The following MGME1 variants were observed in gnomAD, a reference collection of about 807,000 sequenced individuals.
The protein encoded by MGME1 is chromosome 20 open reading frame 72.
Under a neutral mutation model 33.0 loss-of-function variants are expected in MGME1, and 22 were observed. That is an observed-to-expected ratio of 0.67 (90% CI 0.48 to 0.95). MGME1 has a LOEUF of 0.95. Ranked by LOEUF, MGME1 falls within the 40% of genes least tolerant of loss-of-function variation. The probability of loss-of-function intolerance (pLI) is 0.00; values close to 1 mark genes in which losing one functional copy is unlikely to be tolerated. For missense variants in MGME1, 383 were observed against 397.8 expected, an observed-to-expected ratio of 0.96 and a Z score of 0.32; for synonymous variants, 133 against 144.0, an observed-to-expected ratio of 0.92 and a Z score of 0.55.
intron 3 of MGME1, among the ~76,000 whole-genome samples, 168 bp downstream of exon 3, chr20:17,976,071 G>A (rs185754011): frequency 1.3e-5 from 2 of 152,306 alleles, no homozygotes; most frequent in East Asian, 1.9e-4. Flanking sequence ...GAAGAGCCAC[G>A]TAACCTTTGT....
At chr20:17,982,767 T>C (rs1390359778) in intron 3 of MGME1, among the ~76,000 whole-genome samples, 4 of 152,208 alleles carry the variant, frequency 2.6e-5, no homozygotes, top group African/African-American at 9.7e-5. Flanking sequence ...ACTATGATGT[T>C]AAAAAATGTT....
At chr20:17,978,350 G>A (rs2035920036) in intron 3 of MGME1, among the ~76,000 whole-genome samples, 1 of 151,998 alleles carries the variant, frequency 6.6e-6, no homozygotes, top group Non-Finnish European at 1.5e-5. Context: ...GATTAGAGGT[G>A]CACGCCACCA....
Position 17,990,571 on chromosome 20 carries a change from G to T in MGME1, c.*462G>T, listed in dbSNP as rs192430919. 1.2e-5 allele frequency: 2 copies of T among 172,842 alleles called. No individual in the cohort carries two copies. The highest frequency in any genetic ancestry group is 4.7e-5 in the African/African-American group (2 of 42,154). 10.7% of individuals were successfully genotyped at this position (172,842 alleles called of 1,614,324 possible). ...AGGGAGGACACATCAGCCCACTACC[G>T]CTGCCAACACCAATGCCTAAAACTT... On this transcript the variant is annotated 3_prime_UTR_variant, in exon 5 of 5. Coordinates refer to ENST00000377710, the MANE Select transcript of MGME1 (RefSeq NM_052865.4).
At chr20:17,970,901 T>G (rs1336995757) in intron 2 of MGME1, among the ~76,000 whole-genome samples, 3 of 152,238 alleles carry the variant, frequency 2.0e-5, no homozygotes, top group Admixed American at 6.5e-5. Context: ...ACTTTAACCT[T>G]CAACTTCTAA....
rs11551768 is a variant in MGME1, at chr20:17,969,902, A to T, written c.43A>T (p.Ser15Cys). 0.12 allele frequency: 189,506 copies of T among 1,613,380 alleles called. 11,807 individuals are homozygous for T. The highest frequency in any genetic ancestry group is 0.18 in the Middle Eastern group (1,093 of 6,048). ...LFQTICRQLR[S>C]SKFSVESAAL... is the part of the protein sequence containing the mutation. The stretch of plus-strand genomic sequence containing the variant: ...TCAGACCATTTGCAGGCAGCTCAGG[A>T]GTTCAAAGTTTTCTGTGGAATCAGC... Residue 15 changes from serine to cysteine, a missense_variant, in exon 2 of 5, where the codon AGT becomes TGT. Transcript: ENST00000377710.
intron 3 of MGME1, among the ~76,000 whole-genome samples, chr20:17,983,071 A>C (rs1253668618): frequency 7.2e-5 from 11 of 152,008 alleles, no homozygotes; most frequent in Non-Finnish European, 1.3e-4. Flanking sequence ...CCCACTCTCC[A>C]TCCCTATCCT....
intron 4 of MGME1, among the ~76,000 whole-genome samples, chr20:17,988,670 C>A (rs1329452885): frequency 9.8e-5 from 13 of 132,354 alleles, no homozygotes; most frequent in Non-Finnish European, 1.5e-4. Flanking sequence ...AAAAAAAAAA[C>A]TTCTCAGTGG....
At chr20:17,985,556 T>G (rs1210256078) in intron 3 of MGME1, among the ~76,000 whole-genome samples, 1 of 152,246 alleles carries the variant, frequency 6.6e-6, no homozygotes, top group African/African-American at 2.4e-5. Context: ...TCTATAGTAG[T>G]ATACAGTAAT....
chr20:17,978,129 A>G lies in MGME1; in HGVS notation c.731+2226A>G, dbSNP rs60396879. Among the ~76,000 whole-genome samples, 21 of 152,228 alleles carry G rather than the reference A, an allele frequency of 1.4e-4. No individual in the cohort carries two copies. The East Asian group carries it at 3.1e-3, about 22-fold the overall frequency. On this transcript the variant is annotated intron_variant, in intron 3 of 4. Coordinates refer to ENST00000377710, the MANE Select transcript of MGME1 (RefSeq NM_052865.4). Reference sequence around the variant, plus strand: ...TGTGTGGCCCAAGACAATTCTTCCAATGTGGGCCAGGAAGCCGAAAGAGTG... The same window carrying G: ...TGTGTGGCCCAAGACAATTCTTCCAGTGTGGGCCAGGAAGCCGAAAGAGTG...
chr20:17,974,361 G>A (rs2035807030), intron 2 of MGME1, among the ~76,000 whole-genome samples: 2 of 152,030 alleles, frequency 1.3e-5, no homozygotes, highest in Non-Finnish European at 1.5e-5. Context: ...CACCATGCCC[G>A]GCCATGTTCC....
chr20:17,975,279 C>T (rs1403293080), intron 2 of MGME1, among the ~76,000 whole-genome samples: 2 of 152,076 alleles, frequency 1.3e-5, no homozygotes, highest in Non-Finnish European at 2.9e-5. Flanking sequence ...TAATTTTTGG[C>T]CGGGCACGGT....
chr20:17,975,615 A>G (rs1165448054), intron 2 of MGME1, 69 bp from the exon 3 acceptor site: 1 of 1,052,162 alleles, frequency 9.5e-7, no homozygotes, highest in Non-Finnish European at 1.4e-6. Context: ...GGCGTTTTAG[A>G]GTATTTGTTT....
chr20:17,968,909 C>G (rs542598810), upstream of MGME1: 21 of 159,562 alleles, frequency 1.3e-4, no homozygotes, highest in African/African-American at 5.0e-4. Context: ...GGCTCCCGCG[C>G]TTCGGAGACG....
intron 1 of MGME1, 79 bp from the exon 2 acceptor site, chr20:17,969,722 G>C (rs939255251): frequency 1.1e-6 from 1 of 889,078 alleles, no homozygotes; most frequent in African/African-American, 1.7e-5. Context: ...GTCCAAACAT[G>C]TCGAAAAAGT....
At chr20:17,987,122 G>A (rs2036171809) in intron 3 of MGME1, among the ~76,000 whole-genome samples, 1 of 150,126 alleles carries the variant, frequency 6.7e-6, no homozygotes, top group African/African-American at 2.5e-5. Context: ...GGAGGTTGTG[G>A]TAAGCCGAGA....
Position 17,974,706 on chromosome 20 carries a change from CAT to C in MGME1, c.512-977_512-976del, listed in dbSNP as rs1422001074. The stretch of plus-strand genomic sequence containing the variant: ...TCTAAAGCTAATTAGAAAAATATTA[CAT>C]GTTAAATATTAAATATTAGAATAGA... On this transcript the variant is annotated intron_variant, in intron 2 of 4. Coordinates refer to ENST00000377710, the MANE Select transcript of MGME1 (RefSeq NM_052865.4). Among the ~76,000 whole-genome samples, 7 of 151,812 alleles carry C rather than the reference CAT, an allele frequency of 4.6e-5. No individual in the cohort carries two copies. The East Asian group carries it at 1.4e-3, about 29-fold the overall frequency.
At position 17,990,186 on chromosome 20, in the gene MGME1, A is replaced by G; in HGVS notation, c.*77A>G. 1 of 1,272,724 alleles carries G rather than the reference A, an allele frequency of 7.9e-7. No individual in the cohort carries two copies. Among genetic ancestry groups the G allele is most frequent in the Non-Finnish European group, 1.1e-6 (1 of 875,280 alleles). 78.8% of individuals were successfully genotyped at this position (1,272,724 alleles called of 1,614,324 possible). A position where few individuals can be genotyped will look rare whatever the true frequency, so the allele number is the denominator to read the frequency against. On this transcript the variant is annotated 3_prime_UTR_variant, in exon 5 of 5. Transcript: ENST00000377710. The stretch of plus-strand genomic sequence containing the variant: ...ATATATTGCTGTTTACTCCAGTGTA[A>G]AAATGAGGTGCCACTGGATCTGAGT...
intron 2 of MGME1, among the ~76,000 whole-genome samples, chr20:17,974,072 T>G (rs899487007): frequency 1.4e-5 from 2 of 145,174 alleles, no homozygotes; most frequent in Admixed American, 6.9e-5. Context: ...TTTTTTTTTT[T>G]TTTTTTTTTT....
intron 3 of MGME1, among the ~76,000 whole-genome samples, chr20:17,978,129 A>C (rs60396879): frequency 6.6e-6 from 1 of 152,110 alleles, no homozygotes; most frequent in Admixed American, 6.5e-5. Context: ...AATTCTTCCA[A>C]TGTGGGCCAG....
Sources: allele counts gnomAD v4.1 joint callset (sites outside exome capture counted in the v4.1 genomes callset), GRCh38; gene constraint gnomAD v4.1.1; transcripts MANE v1.5; gene names NCBI Gene and HGNC (gene_info 2026-07-23, HGNC 2026-07-21).